CLTC: variants seen among roughly 807,000 people sequenced by gnomAD.
CLTC encodes the protein clathrin heavy chain.
In CLTC, 16 loss-of-function variants were observed where a neutral mutation model predicts 195.8. The ratio of observed to expected loss-of-function variants is 0.08; its 90% confidence interval spans 0.06 to 0.12. The LOEUF is 0.12. CLTC is among the 10% of genes least tolerant of loss of function. CLTC has a pLI of 1.00. For missense variants in CLTC, 796 were observed against 2,027.0 expected, an observed-to-expected ratio of 0.39 and a Z score of 11.66; for synonymous variants, 667 against 689.4, an observed-to-expected ratio of 0.97 and a Z score of 0.51.
rs148871508 is a variant in CLTC, at chr17:59,629,963, T to A, written c.42+9790T>A. ...TTGTGAAATGGAGATGACTTTCCAG[T>A]GCTGATGTCAAAAATGCATATGCAG... is the stretch of plus-strand genomic sequence containing the variant. On this transcript the variant is annotated intron_variant, in intron 1 of 31. Coordinates refer to ENST00000269122, the MANE Select transcript of CLTC (RefSeq NM_004859.4). Among the ~76,000 whole-genome samples, 366 of 152,300 alleles carry A rather than the reference T, an allele frequency of 2.4e-3. 1 individual carries two copies. The highest frequency in any genetic ancestry group is 4.4e-3 in the Non-Finnish European group (301 of 68,028).
intron 17 of CLTC, among the ~76,000 whole-genome samples, chr17:59,678,667 G>A (rs2033016884): frequency 6.6e-6 from 1 of 152,160 alleles, no homozygotes; most frequent in Non-Finnish European, 1.5e-5. Context: ...CAGCCCTGAA[G>A]TCAGTCATTT....
chr17:59,625,128 T>G (rs1007192927), intron 1 of CLTC, among the ~76,000 whole-genome samples: 3 of 152,098 alleles, frequency 2.0e-5, no homozygotes, highest in Non-Finnish European at 4.4e-5. Flanking sequence ...TCTTTTTTTT[T>G]GAGACAAAGT....
At chr17:59,668,482 T>C (rs1305892759) in intron 13 of CLTC, among the ~76,000 whole-genome samples, 39 of 152,124 alleles carry the variant, frequency 2.6e-4, no homozygotes, top group Admixed American at 2.6e-3. Flanking sequence ...CCCAGGAGTT[T>C]GAGGCTGCAG....
At chr17:59,636,923 C>T (rs1022970712) in intron 1 of CLTC, among the ~76,000 whole-genome samples, 16 of 148,462 alleles carry the variant, frequency 1.1e-4, no homozygotes, top group Non-Finnish European at 1.2e-4. Context: ...CCACCATGCC[C>T]GGCTAATTCT....
chr17:59,693,619 T>C lies in CLTC; in HGVS notation c.4904-109T>C, dbSNP rs1197571819. 5 of 1,286,436 alleles carry C rather than the reference T, an allele frequency of 3.9e-6. No homozygotes were observed. The East Asian group carries it at 7.8e-5, about 20-fold the overall frequency. The allele number at this position is 1,286,436 out of a possible 1,614,324, so 79.7% of individuals were successfully genotyped here. A position where few individuals can be genotyped will look rare whatever the true frequency, so the allele number is the denominator to read the frequency against. On this transcript the variant is annotated intron_variant, in intron 31 of 31. Coordinates refer to ENST00000269122, the MANE Select transcript of CLTC (RefSeq NM_004859.4). The stretch of plus-strand genomic sequence containing the variant: ...TGCCCCCCATACAACTCATTTGAGG[T>C]TGAGATTATGTTGCTAGAGTGGAGG...
At chr17:59,628,723 A>G (rs1385113186) in intron 1 of CLTC, among the ~76,000 whole-genome samples, 2 of 152,030 alleles carry the variant, frequency 1.3e-5, no homozygotes, top group Non-Finnish European at 2.9e-5. Flanking sequence ...CGGTGGTGCA[A>G]TCTTGGTTCA....
At chr17:59,621,033 C>T (rs758844406) in intron 1 of CLTC, among the ~76,000 whole-genome samples, 2 of 152,180 alleles carry the variant, frequency 1.3e-5, no homozygotes, top group East Asian at 1.9e-4. Flanking sequence ...TGGAATTGAA[C>T]AGAGCCCTGG....
intron 8 of CLTC, among the ~76,000 whole-genome samples, chr17:59,662,753 G>A (rs2032639091): frequency 6.6e-6 from 1 of 152,126 alleles, no homozygotes; most frequent in Non-Finnish European, 1.5e-5. Flanking sequence ...CCACACTAGC[G>A]AGTATTTGAG....
chr17:59,631,948 G>A (rs528930646), intron 1 of CLTC, among the ~76,000 whole-genome samples: 8 of 149,704 alleles, frequency 5.3e-5, no homozygotes, highest in African/African-American at 9.8e-5. Flanking sequence ...CAAACCTGGC[G>A]GACAGAGTGA....
chr17:59,686,237 T>C (rs1211403918), intron 30 of CLTC, among the ~76,000 whole-genome samples: 1 of 152,112 alleles, frequency 6.6e-6, no homozygotes, highest in Non-Finnish European at 1.5e-5. Flanking sequence ...ATCCTTTTAA[T>C]CTTCACAATT....
intron 17 of CLTC, among the ~76,000 whole-genome samples, chr17:59,678,369 C>A (rs2033010927): frequency 6.7e-6 from 1 of 149,120 alleles, no homozygotes; most frequent in South Asian, 2.4e-4. Flanking sequence ...AATTTAGCAT[C>A]TGTTGATTCT....
chr17:59,641,158 C>G (rs921140825), intron 1 of CLTC, among the ~76,000 whole-genome samples: 5 of 151,460 alleles, frequency 3.3e-5, no homozygotes, highest in Non-Finnish European at 5.9e-5. Context: ...GAATTATGTT[C>G]ATGTTTGCTG....
At chr17:59,654,053 G>A (rs974393279) in intron 5 of CLTC, among the ~76,000 whole-genome samples, 11 of 151,234 alleles carry the variant, frequency 7.3e-5, no homozygotes, top group South Asian at 4.2e-4. Flanking sequence ...GATCACAGGC[G>A]TGAGCCACCA....
In CLTC at chr17:59,681,184, C is replaced by G; in HGVS notation, c.3066-111C>G. 1 of 1,434,180 alleles carries G rather than the reference C, an allele frequency of 7.0e-7. No homozygotes were observed. The highest frequency in any genetic ancestry group is 2.1e-5 in the Admixed American group (1 of 48,662). The allele number at this position is 1,434,180 out of a possible 1,614,324, so 88.8% of individuals were successfully genotyped here. Reference sequence around the variant, plus strand: ...GAATTCTCACTCTTCTAATATCCTCCCCCCTACCCTACCTCTTGAGACAAA... The same window carrying G: ...GAATTCTCACTCTTCTAATATCCTCGCCCCTACCCTACCTCTTGAGACAAA... On this transcript the variant is annotated intron_variant, in intron 19 of 31. Coordinates refer to ENST00000269122, the MANE Select transcript of CLTC (RefSeq NM_004859.4). The surrounding 1 kb of genome is among the most constrained non-coding windows in gnomAD (Gnocchi z 5.0).
At chr17:59,679,359 C>T in intron 17 of CLTC, 38 bp from the exon 18 acceptor site, 1 of 1,551,306 alleles carries the variant, frequency 6.4e-7, no homozygotes. Flanking sequence ...AAGTCCTTTA[C>T]TTTTTACCTT....
rs2033167754 is a variant in CLTC at position 59,685,579 on chromosome 17, T to G, written c.4606-8T>G. The G allele has an allele frequency of 3.7e-6, 6 of 1,607,984 alleles. No individual in the cohort carries two copies. Among genetic ancestry groups the G allele is most frequent in the Non-Finnish European group, 5.1e-6 (6 of 1,174,880 alleles). ...AATGTTTTTGACTTTCACTATTTCT[T>G]TGAATAGGATGCAATGCAGTATGCT... On this transcript the variant is annotated splice_region_variant and splice_polypyrimidine_tract_variant and intron_variant, in intron 29 of 31. Transcript: ENST00000269122. The surrounding 1 kb of genome is among the most constrained non-coding windows in gnomAD (Gnocchi z 5.0).
chr17:59,633,386 A>AG (rs1389527689), intron 1 of CLTC, among the ~76,000 whole-genome samples: 2 of 152,098 alleles, frequency 1.3e-5, no homozygotes, highest in African/African-American at 4.8e-5. Flanking sequence ...CCAGCTACTC[A>AG]GGAGGTTGAG....
chr17:59,688,217 G>A (rs2033225878), intron 30 of CLTC, among the ~76,000 whole-genome samples: 1 of 152,152 alleles, frequency 6.6e-6, no homozygotes, highest in Non-Finnish European at 1.5e-5. Context: ...GCTGTGGGCT[G>A]TGTGTGTTTC....
chr17:59,644,443 C>T lies in CLTC; in HGVS notation c.210C>T (p.Ser70=), dbSNP rs367936999. ...TTCGAAGACCAATTTCAGCAGACAG[C>T]GCCATCATGAATCCAGCTAGCAAAG... ...NPIRRPISAD[S]AIMNPASKVI... Residue 70 remains serine, a synonymous_variant, in exon 2 of 32, where the codon AGC becomes AGT. Transcript: ENST00000269122. 149 of 1,613,930 alleles carry T rather than the reference C, an allele frequency of 9.2e-5. No homozygotes were observed. The highest frequency in any genetic ancestry group is 5.0e-4 in the Middle Eastern group (3 of 6,060).
Sources: gnomAD v4.1 joint callset for allele counts (sites outside exome capture counted in the v4.1 genomes callset) on GRCh38, gnomAD v4.1.1 for gene constraint, Gnocchi (gnomAD v3.1) non-coding constraint, MANE v1.5 for transcripts, NCBI Gene and HGNC (gene_info 2026-07-23, HGNC 2026-07-21) for gene names.